TMTC1: variants seen among roughly 807,000 people sequenced by gnomAD.
TMTC1 encodes the protein transmembrane O-mannosyltransferase targeting cadherins 1, also known as protein O-mannosyl-transferase TMTC1.
TMTC1 carries 73 observed loss-of-function variants against 104.8 expected under a neutral mutation model. The observed-to-expected ratio is 0.70, with a 90% CI of 0.58 to 0.85. The LOEUF is 0.85. TMTC1 is among the 40% of genes least tolerant of loss of function. The probability of loss-of-function intolerance (pLI) is 0.00; values close to 1 mark genes in which losing one functional copy is unlikely to be tolerated. For synonymous variants in TMTC1, 434 were observed against 428.7 expected, an observed-to-expected ratio of 1.01 and a Z score of -0.15; for missense variants, 1,035 against 1,096.1, an observed-to-expected ratio of 0.94 and a Z score of 0.79.
intron 5 of TMTC1, among the ~76,000 whole-genome samples, chr12:29,687,467 A>C (rs1941130011): frequency 1.3e-5 from 2 of 152,382 alleles, no homozygotes; most frequent in South Asian, 4.1e-4. Flanking sequence ...CTTCCAAATT[A>C]AACGAGACTA....
intron 10 of TMTC1, among the ~76,000 whole-genome samples, chr12:29,555,298 CG>C (rs1401711174): frequency 4.6e-5 from 7 of 151,308 alleles, no homozygotes; most frequent in African/African-American, 1.5e-4. Flanking sequence ...TCACCAGGCC[CG>C]GTAATTTTTT....
intron 7 of TMTC1, among the ~76,000 whole-genome samples, chr12:29,595,415 A>G (rs1323000357): frequency 6.6e-6 from 1 of 152,190 alleles, no homozygotes; most frequent in Non-Finnish European, 1.5e-5. Flanking sequence ...AGTGATCTAC[A>G]ATCTCTGCTT....
Position 29,783,923 on chromosome 12 carries a change from T to G in TMTC1, c.-172A>C. 1 of 510,286 alleles carries G rather than the reference T, an allele frequency of 2.0e-6. No individual in the cohort carries two copies. The highest frequency in any genetic ancestry group is 2.6e-6 in the Non-Finnish European group (1 of 386,160). The allele number at this position is 510,286 out of a possible 1,614,324, so 31.6% of individuals were successfully genotyped here. On this transcript the variant is annotated 5_prime_UTR_variant, in exon 1 of 18. Transcript: ENST00000539277. The surrounding 1 kb of genome is among the most constrained non-coding windows in gnomAD (Gnocchi z 4.7). ...TCCGCCGCCGCCTGCGCCGCGGAGTTGGCCCAGCTGCAAATAAACAGCAGT... is the reference window on the plus strand; with the variant it reads ...TCCGCCGCCGCCTGCGCCGCGGAGTGGGCCCAGCTGCAAATAAACAGCAGT...
intron 5 of TMTC1, among the ~76,000 whole-genome samples, chr12:29,641,462 A>C (rs776294055): frequency 2.0e-5 from 3 of 152,192 alleles, no homozygotes; most frequent in Admixed American, 6.5e-5. Flanking sequence ...CAGTAGATTC[A>C]ATGGGTGGCT....
intron 14 of TMTC1, among the ~76,000 whole-genome samples, chr12:29,517,199 T>C (rs1944012198): frequency 1.3e-5 from 2 of 152,228 alleles, no homozygotes; most frequent in Admixed American, 1.3e-4. Context: ...TGTAAATTTT[T>C]TACTATTCTT....
At chr12:29,723,865 G>T (rs1942306914) in intron 5 of TMTC1, among the ~76,000 whole-genome samples, 1 of 152,126 alleles carries the variant, frequency 6.6e-6, no homozygotes, top group Non-Finnish European at 1.5e-5. Context: ...TATTCATATG[G>T]ATAACAAGAA....
At chr12:29,555,741 T>C (rs1179041674) in intron 10 of TMTC1, among the ~76,000 whole-genome samples, 1 of 152,244 alleles carries the variant, frequency 6.6e-6, no homozygotes, top group Non-Finnish European at 1.5e-5. Flanking sequence ...GCATTTGGGT[T>C]GGTTCCAAGT....
At position 29,536,071 on chromosome 12, in the gene TMTC1, CT is replaced by C; in HGVS notation, c.1785+137del. Reference sequence around the variant, plus strand: ...AGTGAGAAAATTAGGCTTGTAATTTCTGTCCAAAAGAAACTGACATAGAGAT... The same window carrying C: ...AGTGAGAAAATTAGGCTTGTAATTTCGTCCAAAAGAAACTGACATAGAGAT... On this transcript the variant is annotated intron_variant, in intron 11 of 17. Transcript: ENST00000539277. 4.6e-6 allele frequency: 3 copies of C among 646,354 alleles called. No homozygotes were observed. The South Asian group carries it at 5.7e-5, about 12-fold the overall frequency. The allele number at this position is 646,354 out of a possible 1,614,324, so 40.0% of individuals were successfully genotyped here. A position where few individuals can be genotyped will look rare whatever the true frequency, so the allele number is the denominator to read the frequency against.
rs1937982758 is a variant in TMTC1 at position 29,626,219 on chromosome 12, C to T, written c.1128+6928G>A. Among the ~76,000 whole-genome samples, 3 of 152,118 alleles carry T rather than the reference C, an allele frequency of 2.0e-5. No individual in the cohort carries two copies. In the South Asian group the frequency reaches 6.2e-4, roughly 32 times the overall value. ...CAAGACAGCAAAAAATATTTGTCCC[C>T]ATGGGGCTCATGCTCTGGTTGGCAG... On this transcript the variant is annotated intron_variant, in intron 6 of 17. Transcript: ENST00000539277.
rs1432583808 is a variant in TMTC1 at position 29,505,271 on chromosome 12, A to C, written c.*1575T>G. 6.6e-6 allele frequency: 1 copy of C among 152,226 alleles called. No homozygotes were observed. 9.4% of individuals were successfully genotyped at this position (152,226 alleles called of 1,614,324 possible). ...ACCCTGCCCTGGCCTGAGCATGCGA[A>C]TTATGTGAGCCTTTAGGCTACTATG... On this transcript the variant is annotated 3_prime_UTR_variant, in exon 18 of 18. Coordinates refer to ENST00000539277, the MANE Select transcript of TMTC1 (RefSeq NM_001193451.2).
intron 5 of TMTC1, chr12:29,658,311 T>C (rs139950098): frequency 3.3e-5 from 5 of 152,264 alleles, no homozygotes; most frequent in African/African-American, 1.2e-4. Flanking sequence ...GAAGAGTGCA[T>C]CTTAATTTTT....
intron 9 of TMTC1, among the ~76,000 whole-genome samples, chr12:29,570,879 A>ACC (rs1491187527): frequency 0.016 from 1,883 of 118,290 alleles, 2 homozygotes; most frequent in Non-Finnish European, 0.022. Flanking sequence ...AAAAACAGAA[A>ACC]CACCCCCCCC....
intron 8 of TMTC1, among the ~76,000 whole-genome samples, chr12:29,573,021 T>C (rs1358086081): frequency 6.6e-6 from 1 of 152,218 alleles, no homozygotes; most frequent in Non-Finnish European, 1.5e-5. Flanking sequence ...TTTCCTTCAA[T>C]GTGGAAACCC....
At chr12:29,688,525 C>A (rs1056748589) in intron 5 of TMTC1, among the ~76,000 whole-genome samples, 2 of 152,172 alleles carry the variant, frequency 1.3e-5, no homozygotes, top group Non-Finnish European at 2.9e-5. Flanking sequence ...GAGGTGCATG[C>A]CCACCACTAT....
At chr12:29,584,729 G>C (rs1228606980) in intron 7 of TMTC1, among the ~76,000 whole-genome samples, 3 of 151,808 alleles carry the variant, frequency 2.0e-5, no homozygotes, top group African/African-American at 4.8e-5. Context: ...TGAGAATGAT[G>C]GTTTCCAGCT....
chr12:29,706,957 A>G (rs990147059), intron 5 of TMTC1, among the ~76,000 whole-genome samples: 1 of 152,162 alleles, frequency 6.6e-6, no homozygotes, highest in East Asian at 1.9e-4. Flanking sequence ...CAGCAAGTGG[A>G]AAAACGTATT....
chr12:29,610,246 C>T (rs1303794626), intron 6 of TMTC1, among the ~76,000 whole-genome samples: 1 of 152,190 alleles, frequency 6.6e-6, no homozygotes, highest in African/African-American at 2.4e-5. Context: ...GAGCTGGCTC[C>T]AGCACATCCC....
intron 7 of TMTC1, among the ~76,000 whole-genome samples, chr12:29,590,574 C>T (rs1035247961): frequency 2.0e-4 from 31 of 152,116 alleles, no homozygotes; most frequent in South Asian, 6.2e-4. Flanking sequence ...ATCAGGAGGT[C>T]GGGAGTTTGA....
At chr12:29,518,695 TTTCTCA>T in intron 12 of TMTC1, 88 bp from the exon 13 acceptor site, 1 of 1,494,462 alleles carries the variant, frequency 6.7e-7, no homozygotes, top group East Asian at 2.3e-5. Flanking sequence ...CTTATAATTC[TTTCTCA>T]TTATTACAGA....
Sources: gnomAD v4.1 joint callset for allele counts (sites outside exome capture counted in the v4.1 genomes callset) on GRCh38, gnomAD v4.1.1 for gene constraint, Gnocchi (gnomAD v3.1) non-coding constraint, MANE v1.5 for transcripts, NCBI Gene and HGNC (gene_info 2026-07-23, HGNC 2026-07-21) for gene names.